CCSER1: variants seen among roughly 807,000 people sequenced by gnomAD.
The protein encoded by CCSER1 is serine-rich coiled-coil domain-containing protein 1.
CCSER1 carries 41 observed loss-of-function variants against 82.0 expected under a neutral mutation model. The ratio of observed to expected loss-of-function variants is 0.50; its 90% CI spans 0.39 to 0.65. The LOEUF (loss-of-function observed/expected upper bound fraction) is 0.65, where lower values mean the gene tolerates loss of function less well. CCSER1 is among the 30% of genes least tolerant of loss of function. The pLI is 0.00. For synonymous variants in CCSER1, 414 were observed against 383.9 expected (o/e 1.08, Z -0.92); for missense variants, 1,119 against 1,064.2 (o/e 1.05, Z -0.72).
intron 10 of CCSER1, among the ~76,000 whole-genome samples, chr4:91,141,798 G>A (rs1448251815): frequency 6.6e-6 from 1 of 151,890 alleles, no homozygotes; most frequent in Non-Finnish European, 1.5e-5. Flanking sequence ...GTTGTTTTTG[G>A]CCCTTTTAAT....
chr4:90,778,032 T>A (rs1488101572), intron 7 of CCSER1, among the ~76,000 whole-genome samples: 1 of 152,176 alleles, frequency 6.6e-6, no homozygotes, highest in African/African-American at 2.4e-5. Context: ...AAATGTTTTC[T>A]TATTCATTTG....
intron 8 of CCSER1, among the ~76,000 whole-genome samples, chr4:90,889,048 T>C (rs931396536): frequency 2.0e-5 from 3 of 152,290 alleles, no homozygotes; most frequent in Admixed American, 2.0e-4. Context: ...ATCAATATTC[T>C]ACAAAGGTAA....
At chr4:91,580,159 C>T (rs534808357) in intron 10 of CCSER1, among the ~76,000 whole-genome samples, 1 of 151,940 alleles carries the variant, frequency 6.6e-6, no homozygotes, top group South Asian at 2.1e-4. Context: ...CTTTATAATG[C>T]AGCATATTCA....
chr4:91,009,253 G>T (rs1266042140), intron 9 of CCSER1, among the ~76,000 whole-genome samples: 1 of 152,206 alleles, frequency 6.6e-6, no homozygotes, highest in East Asian at 1.9e-4. Flanking sequence ...TACAAAGGGA[G>T]GGGACCCAAA....
At chr4:90,276,900 C>T (rs894015142) in intron 1 of CCSER1, among the ~76,000 whole-genome samples, 2 of 152,068 alleles carry the variant, frequency 1.3e-5, no homozygotes, top group African/African-American at 4.8e-5. Flanking sequence ...TGACTCTCAG[C>T]TAGAATGTTA....
chr4:91,130,375 C>T (rs1362793804), intron 10 of CCSER1, among the ~76,000 whole-genome samples: 2 of 151,862 alleles, frequency 1.3e-5, no homozygotes, highest in Non-Finnish European at 2.9e-5. Context: ...CTCCAACTTA[C>T]ACCTAAATGT....
intron 10 of CCSER1, among the ~76,000 whole-genome samples, chr4:91,186,452 A>G (rs1734542476): frequency 6.6e-6 from 1 of 151,944 alleles, no homozygotes. Context: ...TTAGTTTTCC[A>G]TTCCAACCAT....
chr4:90,523,735 T>A (rs1773411549), intron 5 of CCSER1, among the ~76,000 whole-genome samples: 1 of 152,144 alleles, frequency 6.6e-6, no homozygotes, highest in South Asian at 2.1e-4. Context: ...ATTTTCATGA[T>A]ACTCCAAACT....
At chr4:90,456,070 G>A (rs891270875) in intron 4 of CCSER1, among the ~76,000 whole-genome samples, 5 of 152,136 alleles carry the variant, frequency 3.3e-5, no homozygotes, top group African/African-American at 1.2e-4. Flanking sequence ...GAAGCTGTGG[G>A]ACCAGGTCCT....
intron 3 of CCSER1, chr4:90,325,655 G>T: frequency 2.2e-6 from 1 of 450,010 alleles, no homozygotes; most frequent in South Asian, 1.6e-5. Context: ...GCACAGAATT[G>T]ACCTTCAGTA....
At chr4:91,423,434 A>G (rs1188204168) in intron 10 of CCSER1, among the ~76,000 whole-genome samples, 2 of 152,128 alleles carry the variant, frequency 1.3e-5, no homozygotes, top group African/African-American at 4.8e-5. Context: ...CCGTCTAAAA[A>G]AAAAAAGTAG....
At chr4:90,801,760 T>C (rs535470687) in intron 7 of CCSER1, among the ~76,000 whole-genome samples, 55 of 152,360 alleles carry the variant, frequency 3.6e-4, no homozygotes, top group African/African-American at 1.2e-3. Flanking sequence ...GTTTGTGTTT[T>C]ATTTGTAAAC....
chr4:91,538,853 C>T (rs1171074730), intron 10 of CCSER1, among the ~76,000 whole-genome samples: 1 of 151,632 alleles, frequency 6.6e-6, no homozygotes, highest in African/African-American at 2.4e-5. Flanking sequence ...GATGCAAACC[C>T]TCTAGGAATA....
chr4:91,375,061 G>T (rs1302524026), intron 10 of CCSER1, among the ~76,000 whole-genome samples: 3 of 152,082 alleles, frequency 2.0e-5, no homozygotes, highest in African/African-American at 7.2e-5. Context: ...TGTTAGACAT[G>T]GTAAAAGTAA....
intron 9 of CCSER1, among the ~76,000 whole-genome samples, chr4:91,004,273 C>T (rs1245900326): frequency 6.6e-6 from 1 of 152,168 alleles, no homozygotes; most frequent in African/African-American, 2.4e-5. Context: ...CAAGTCTCAT[C>T]TTAATGGAAA....
rs189627589 is a variant in CCSER1 at position 91,599,924 on chromosome 4, T to G, written c.*867T>G. The G allele has an allele frequency of 1.1e-4, 17 of 152,302 alleles. No homozygotes were observed. The highest frequency in any genetic ancestry group is 1.1e-3 in the Admixed American group (17 of 15,272). 9.4% of individuals were successfully genotyped at this position (152,302 alleles called of 1,614,324 possible). ...TCAAAATTTCAAGGATGAAACATCCTAAGAAAATTATTCTTTTTCTTTACT... is the reference window on the plus strand; with the variant it reads ...TCAAAATTTCAAGGATGAAACATCCGAAGAAAATTATTCTTTTTCTTTACT... On this transcript the variant is annotated 3_prime_UTR_variant, in exon 11 of 11. Coordinates refer to ENST00000509176, the MANE Select transcript of CCSER1 (RefSeq NM_001145065.2).
chr4:91,209,143 T>G (rs1736588863), intron 10 of CCSER1, among the ~76,000 whole-genome samples: 1 of 152,006 alleles, frequency 6.6e-6, no homozygotes, highest in African/African-American at 2.4e-5. Flanking sequence ...AAACATAGAA[T>G]CATGTCATCT....
chr4:90,840,294 G>A (rs907347641), intron 8 of CCSER1, among the ~76,000 whole-genome samples: 2 of 152,056 alleles, frequency 1.3e-5, no homozygotes, highest in Admixed American at 6.5e-5. Flanking sequence ...TTAGAAAGGC[G>A]ACAAAATAAC....
chr4:91,104,397 G>C (rs926296922), intron 10 of CCSER1, among the ~76,000 whole-genome samples: 8 of 152,122 alleles, frequency 5.3e-5, no homozygotes, highest in African/African-American at 1.9e-4. Context: ...CGGTCCTACC[G>C]ATATGTGATG....
Sources: gnomAD v4.1 joint callset for allele counts (sites outside exome capture counted in the v4.1 genomes callset) on GRCh38, gnomAD v4.1.1 for gene constraint, MANE v1.5 for transcripts, NCBI Gene and HGNC (gene_info 2026-07-23, HGNC 2026-07-21) for gene names.